KCNH1: variants seen among roughly 807,000 people sequenced by gnomAD.
The protein encoded by KCNH1 is voltage-gated delayed rectifier potassium channel KCNH1.
KCNH1 carries 27 observed loss-of-function variants against 69.2 expected under a neutral mutation model. The observed-to-expected ratio is 0.39, with a 90% CI of 0.29 to 0.54. The LOEUF (loss-of-function observed/expected upper bound fraction) is 0.54, where lower values mean the gene tolerates loss of function less well. Ranked by LOEUF, KCNH1 falls within the 20% of genes least tolerant of loss-of-function variation. The pLI is 0.68. For synonymous variants in KCNH1, 456 were observed against 487.7 expected, an observed-to-expected ratio of 0.93 and a Z score of 0.86; for missense variants, 798 against 1,261.6, an observed-to-expected ratio of 0.63 and a Z score of 5.57.
intron 7 of KCNH1, among the ~76,000 whole-genome samples, chr1:210,903,219 T>C (rs1687031384): frequency 6.6e-6 from 1 of 152,202 alleles, no homozygotes; most frequent in Non-Finnish European, 1.5e-5. Flanking sequence ...TGGAAGTCCA[T>C]ACTTAACTAC....
intron 10 of KCNH1, among the ~76,000 whole-genome samples, chr1:210,729,097 C>G (rs1008323341): frequency 6.6e-6 from 1 of 152,138 alleles, no homozygotes; most frequent in Non-Finnish European, 1.5e-5. Context: ...TCTATTTGGG[C>G]AGAAAAGGGT....
chr1:211,101,444 C>T (rs1257960446), intron 3 of KCNH1, among the ~76,000 whole-genome samples: 1 of 152,206 alleles, frequency 6.6e-6, no homozygotes, highest in Non-Finnish European at 1.5e-5. Flanking sequence ...AAGAAAACAA[C>T]ATTATCTGCA....
At chr1:210,934,806 G>A (rs1417381939) in intron 6 of KCNH1, among the ~76,000 whole-genome samples, 4 of 147,580 alleles carry the variant, frequency 2.7e-5, no homozygotes, top group Admixed American at 6.8e-5. Context: ...AGGATGAGAC[G>A]AAAAAGGAAC....
intron 6 of KCNH1, among the ~76,000 whole-genome samples, chr1:210,993,125 G>C (rs1042285078): frequency 1.3e-5 from 2 of 152,054 alleles, no homozygotes; most frequent in African/African-American, 4.8e-5. Flanking sequence ...GCCCCCCACT[G>C]CTACTCTCAC....
intron 10 of KCNH1, among the ~76,000 whole-genome samples, chr1:210,768,854 G>T (rs981961622): frequency 1.3e-5 from 2 of 152,126 alleles, no homozygotes; most frequent in African/African-American, 4.8e-5. Context: ...TGTTCTCGGG[G>T]TACTGGGGAA....
intron 6 of KCNH1, among the ~76,000 whole-genome samples, chr1:210,945,249 G>A (rs1687937364): frequency 6.6e-6 from 1 of 152,178 alleles, no homozygotes; most frequent in Admixed American, 6.5e-5. Context: ...TGAGGTCTCA[G>A]GATGCAGTAC....
chr1:210,865,612 C>A (rs1195349655), intron 7 of KCNH1, among the ~76,000 whole-genome samples: 7 of 152,166 alleles, frequency 4.6e-5, no homozygotes, highest in South Asian at 2.1e-4. Flanking sequence ...AGTGTTATTT[C>A]TTTTGCTAAT....
intron 6 of KCNH1, among the ~76,000 whole-genome samples, chr1:211,014,944 T>A (rs1689466139): frequency 1.3e-5 from 2 of 151,500 alleles, no homozygotes; most frequent in East Asian, 1.9e-4. Flanking sequence ...ACCCAGGGGG[T>A]TTTCCCTCAG....
rs968639889 is a variant in KCNH1, at chr1:210,861,915, G to C, written c.1462+57725C>G. The C allele has an allele frequency of 6.5e-6, 5 of 770,124 alleles. No individual in the cohort carries two copies. The African/African-American group carries it at 8.5e-5, about 13-fold the overall frequency. The allele number at this position is 770,124 out of a possible 1,614,324, so 47.7% of individuals were successfully genotyped here. ...TTTTGTCCACAATGGCAGTCCAGCA[G>C]CTTGGATAATCACGTTTGGTGATGT... is the stretch of plus-strand genomic sequence containing the variant. On this transcript the variant is annotated intron_variant, in intron 7 of 10. Transcript: ENST00000271751.
intron 7 of KCNH1, among the ~76,000 whole-genome samples, chr1:210,881,078 C>T (rs917482083): frequency 2.8e-4 from 43 of 150,920 alleles, no homozygotes; most frequent in Non-Finnish European, 5.3e-4. Flanking sequence ...AGTGCAGTGG[C>T]GCAATCTCAG....
chr1:211,004,219 CA>C (rs1689238041), intron 6 of KCNH1, among the ~76,000 whole-genome samples: 1 of 152,024 alleles, frequency 6.6e-6, no homozygotes. Flanking sequence ...AATTGGTCAC[CA>C]GCAGACTAAA....
At chr1:211,023,755 C>A (rs1265843957) in intron 5 of KCNH1, among the ~76,000 whole-genome samples, 2 of 152,110 alleles carry the variant, frequency 1.3e-5, no homozygotes, top group Non-Finnish European at 2.9e-5. Context: ...GATATCCCAA[C>A]TACCCTGATT....
At chr1:211,093,387 G>C (rs1691090023) in intron 3 of KCNH1, among the ~76,000 whole-genome samples, 1 of 152,162 alleles carries the variant, frequency 6.6e-6, no homozygotes, top group Non-Finnish European at 1.5e-5. Context: ...CTGGATTCAA[G>C]GGATTCCCCT....
intron 10 of KCNH1, among the ~76,000 whole-genome samples, chr1:210,688,975 G>A (rs1221462345): frequency 5.3e-5 from 8 of 152,168 alleles, no homozygotes; most frequent in Non-Finnish European, 8.8e-5. Flanking sequence ...AGCCCACAGG[G>A]GCATATATTT....
At chr1:210,696,181 C>G (rs891155130) in intron 10 of KCNH1, among the ~76,000 whole-genome samples, 4 of 152,200 alleles carry the variant, frequency 2.6e-5, no homozygotes, top group Non-Finnish European at 5.9e-5. Flanking sequence ...CTACACGTGC[C>G]TCTTCCTCAG....
intron 6 of KCNH1, among the ~76,000 whole-genome samples, chr1:211,010,061 A>G (rs1393946631): frequency 6.6e-6 from 1 of 152,186 alleles, no homozygotes; most frequent in African/African-American, 2.4e-5. Flanking sequence ...TTCAGGGGGA[A>G]TTCCACGTGA....
intron 6 of KCNH1, among the ~76,000 whole-genome samples, chr1:210,995,490 C>T (rs1689013142): frequency 6.6e-6 from 1 of 152,164 alleles, no homozygotes; most frequent in African/African-American, 2.4e-5. Flanking sequence ...TTACAGTACA[C>T]ACACAACTCT....
chr1:210,779,515 G>A (rs547997906), intron 9 of KCNH1, among the ~76,000 whole-genome samples: 3 of 152,308 alleles, frequency 2.0e-5, no homozygotes, highest in Admixed American at 1.3e-4. Context: ...GCCCGGACAA[G>A]CACTACACCC....
At chr1:210,727,050 G>A (rs1558442718) in intron 10 of KCNH1, among the ~76,000 whole-genome samples, 1 of 152,198 alleles carries the variant, frequency 6.6e-6, no homozygotes, top group Non-Finnish European at 1.5e-5. Flanking sequence ...AATTGCTAAT[G>A]ATGATGAATG....
Sources: allele counts gnomAD v4.1 joint callset (sites outside exome capture counted in the v4.1 genomes callset), GRCh38; gene constraint gnomAD v4.1.1; transcripts MANE v1.5; gene names NCBI Gene and HGNC (gene_info 2026-07-23, HGNC 2026-07-21).